THEMIS: variants seen among roughly 807,000 people sequenced by gnomAD.
THEMIS encodes thymocyte selection associated, also known as protein THEMIS.
A neutral mutation model predicts 52.6 loss-of-function variants in THEMIS; 37 were observed. The observed-to-expected ratio is 0.70, with a 90% CI of 0.54 to 0.93. The LOEUF (loss-of-function observed/expected upper bound fraction) is 0.93. Among genes scored for constraint, THEMIS ranks in the 40% least tolerant of loss-of-function variants. The probability of loss-of-function intolerance (pLI) is 0.00; values close to 1 mark genes in which losing one functional copy is unlikely to be tolerated. For missense variants in THEMIS, 808 were observed against 763.1 expected, an observed-to-expected ratio of 1.06 and a Z score of -0.69; for synonymous variants, 292 against 272.7, an observed-to-expected ratio of 1.07 and a Z score of -0.70.
At chr6:127,817,698 G>A (rs977772668) in intron 3 of THEMIS, among the ~76,000 whole-genome samples, 1 of 152,096 alleles carries the variant, frequency 6.6e-6, no homozygotes, top group Non-Finnish European at 1.5e-5. Context: ...AACTAGACAG[G>A]TAGGCAAATA....
intron 2 of THEMIS, among the ~76,000 whole-genome samples, chr6:127,838,876 C>T (rs1333347703): frequency 6.6e-6 from 1 of 152,090 alleles, no homozygotes; most frequent in African/African-American, 2.4e-5. Flanking sequence ...AAATTAAAAA[C>T]ATTGCTGTGA....
intron 1 of THEMIS, among the ~76,000 whole-genome samples, chr6:127,897,002 C>A (rs1389144126): frequency 6.6e-6 from 1 of 151,250 alleles, no homozygotes; most frequent in Non-Finnish European, 1.5e-5. Context: ...AGGGAAAAGA[C>A]CCAGGCATGT....
At chr6:127,736,851 C>CA (rs3057968) in intron 4 of THEMIS, among the ~76,000 whole-genome samples, 6,118 of 104,810 alleles carry the variant, frequency 0.058, 445 homozygotes, top group African/African-American at 0.2. Flanking sequence ...ACCAAATGAT[C>CA]AAAAAAAAAA....
intron 4 of THEMIS, among the ~76,000 whole-genome samples, chr6:127,808,187 T>C (rs1777783899): frequency 3.3e-5 from 5 of 152,192 alleles, no homozygotes. Context: ...TCTGAAGACA[T>C]GGAATATCTC....
At chr6:127,824,233 A>G (rs1305395527) in intron 3 of THEMIS, among the ~76,000 whole-genome samples, 2 of 152,150 alleles carry the variant, frequency 1.3e-5, no homozygotes, top group East Asian at 3.9e-4. Context: ...ATAGGTGAGC[A>G]GGAGGGAAGC....
chr6:127,894,699 GCTT>G (rs1780911025), intron 1 of THEMIS, among the ~76,000 whole-genome samples: 1 of 151,500 alleles, frequency 6.6e-6, no homozygotes, highest in Non-Finnish European at 1.5e-5. Context: ...CCAAATTCTA[GCTT>G]CTTTTCAAAA....
At chr6:127,766,714 T>G in intron 4 of THEMIS, among the ~76,000 whole-genome samples, 1 of 152,182 alleles carries the variant, frequency 6.6e-6, no homozygotes, top group East Asian at 1.9e-4. Context: ...TGGTAAGTAT[T>G]TTTGTACTTA....
intron 2 of THEMIS, among the ~76,000 whole-genome samples, chr6:127,830,575 AC>A (rs1778666701): frequency 1.3e-5 from 2 of 151,944 alleles, no homozygotes; most frequent in Admixed American, 1.3e-4. Context: ...AGTCCCAGCT[AC>A]TTGGGAGGCT....
At chr6:127,858,229 GC>G (rs1194788384) in intron 1 of THEMIS, among the ~76,000 whole-genome samples, 1 of 152,024 alleles carries the variant, frequency 6.6e-6, no homozygotes, top group East Asian at 1.9e-4. Context: ...CACAAGAAAA[GC>G]TTTTGACTCT....
intron 1 of THEMIS, among the ~76,000 whole-genome samples, chr6:127,884,268 A>G (rs1780577875): frequency 6.6e-6 from 1 of 152,132 alleles, no homozygotes. Flanking sequence ...CACATGGACA[A>G]TAGGACAATC....
At chr6:127,785,960 A>G (rs1776933849) in intron 4 of THEMIS, among the ~76,000 whole-genome samples, 1 of 152,062 alleles carries the variant, frequency 6.6e-6, no homozygotes, top group Non-Finnish European at 1.5e-5. Context: ...AGGCACTGAA[A>G]GTACCTCATC....
rs1781344996 is a variant in THEMIS at position 127,908,955 on chromosome 6, T to C, written c.-149-7874A>G. ...GAGCTTAAAACATTTAAAATAGTTA[T>C]CTATTACAAATTAAGCACTGATAAG... On this transcript the variant is annotated intron_variant, in intron 1 of 6. Transcript: ENST00000368250. Among the ~76,000 whole-genome samples, 3 of 152,008 alleles carry C rather than the reference T, an allele frequency of 2.0e-5. No homozygotes were observed. The South Asian group carries it at 6.2e-4, about 31-fold the overall frequency.
intron 4 of THEMIS, among the ~76,000 whole-genome samples, chr6:127,779,444 CAT>C (rs1340906646): frequency 1.3e-5 from 2 of 152,100 alleles, no homozygotes; most frequent in East Asian, 3.8e-4. Context: ...GTTAGATTAA[CAT>C]AGTCTTCTGG....
intron 1 of THEMIS, among the ~76,000 whole-genome samples, chr6:127,884,372 A>G (rs1009323037): frequency 1.3e-5 from 2 of 152,130 alleles, no homozygotes; most frequent in African/African-American, 4.8e-5. Flanking sequence ...GTGCATTTTC[A>G]GCTATCTAAT....
the THEMIS span, among the ~76,000 whole-genome samples, chr6:127,701,551 AT>A: frequency 6.6e-6 from 1 of 152,036 alleles, no homozygotes; most frequent in Non-Finnish European, 1.5e-5. Flanking sequence ...GTTTTGTTGG[AT>A]TTACACAAAT....
intron 4 of THEMIS, among the ~76,000 whole-genome samples, chr6:127,746,317 T>A (rs1318077249): frequency 6.6e-6 from 1 of 151,706 alleles, no homozygotes; most frequent in Non-Finnish European, 1.5e-5. Context: ...ACCCTAAAAA[T>A]CAGGGATTCT....
At chr6:127,765,319 T>C (rs988722958) in intron 4 of THEMIS, among the ~76,000 whole-genome samples, 1 of 152,030 alleles carries the variant, frequency 6.6e-6, no homozygotes, top group African/African-American at 2.4e-5. Flanking sequence ...TGAATGTAGC[T>C]GCATGGAAGA....
rs747415731 is a variant in THEMIS at position 127,829,857 on chromosome 6, T to C, written c.328A>G (p.Ser110Gly). 6 of 1,613,988 alleles carry C rather than the reference T, an allele frequency of 3.7e-6. No individual in the cohort carries two copies. The highest frequency in any genetic ancestry group is 5.1e-6 in the Non-Finnish European group (6 of 1,180,020). The change falls in exon 3 of 6, where the codon AGT becomes GGT. Residue 110 changes from serine (S) to glycine (G), a missense_variant. Coordinates refer to ENST00000368248, the MANE Select transcript of THEMIS (RefSeq NM_001010923.3). ...EITRTIHIGPSRLGHPCFYHQ... is the reference protein window; with the variant it reads ...EITRTIHIGPGRLGHPCFYHQ... ...TAGAAGCAAGGATGCCCTAGTCTACTTGGTCCAATATGAATGGTCCTTGTG... is the reference window on the plus strand; with the variant it reads ...TAGAAGCAAGGATGCCCTAGTCTACCTGGTCCAATATGAATGGTCCTTGTG...
intron 1 of THEMIS, among the ~76,000 whole-genome samples, chr6:127,864,641 T>C (rs1348404577): frequency 1.3e-5 from 2 of 152,066 alleles, no homozygotes; most frequent in Non-Finnish European, 1.5e-5. Context: ...TCACTGTAGA[T>C]TATGACAAAT....
Sources: allele counts gnomAD v4.1 joint callset (sites outside exome capture counted in the v4.1 genomes callset), GRCh38; gene constraint gnomAD v4.1.1; transcripts MANE v1.5; gene names NCBI Gene and HGNC (gene_info 2026-07-23, HGNC 2026-07-21).